Variants in CSMD1 observed in about 807,000 individuals in gnomAD.
The protein encoded by CSMD1 is CUB and Sushi multiple domains 1.
A neutral mutation model predicts 417.5 loss-of-function variants in CSMD1; 213 were observed. The observed-to-expected ratio is 0.51, with a 90% confidence interval of 0.46 to 0.57. The LOEUF is 0.57. Ranked by LOEUF, CSMD1 falls within the 20% of genes least tolerant of loss-of-function variation. The pLI is 0.00. For synonymous variants in CSMD1, 2,862 were observed against 1,736.8 expected (o/e 1.65, Z -16.11); for missense variants, 6,923 against 4,529.7 (o/e 1.53, Z -15.17).
chr8:4,657,814 A>G (rs920077734), intron 1 of CSMD1, among the ~76,000 whole-genome samples: 3 of 151,996 alleles, frequency 2.0e-5, no homozygotes, highest in Non-Finnish European at 2.9e-5. Flanking sequence ...CAAATAGCTA[A>G]AGGAAACCAT....
chr8:4,305,740 C>G (rs1798208841), intron 3 of CSMD1, among the ~76,000 whole-genome samples: 2 of 152,138 alleles, frequency 1.3e-5, no homozygotes, highest in Admixed American at 6.5e-5. Flanking sequence ...GATGCCACAC[C>G]AGCCGTAGAC....
At chr8:3,472,915 T>A (rs1335841742) in intron 11 of CSMD1, among the ~76,000 whole-genome samples, 1 of 152,242 alleles carries the variant, frequency 6.6e-6, no homozygotes, top group East Asian at 1.9e-4. Context: ...CGTACTTCTT[T>A]GATGTTTTTC....
chr8:3,310,517 A>G (rs563830731), intron 23 of CSMD1, among the ~76,000 whole-genome samples: 5 of 152,308 alleles, frequency 3.3e-5, no homozygotes, highest in African/African-American at 1.2e-4. Flanking sequence ...ATCTTCCAAA[A>G]TCTTGCGCTA....
At chr8:4,629,273 T>C (rs955829023) in intron 2 of CSMD1, among the ~76,000 whole-genome samples, 1 of 152,206 alleles carries the variant, frequency 6.6e-6, no homozygotes, top group African/African-American at 2.4e-5. Context: ...AGCAATTTAA[T>C]ATCCTACCAA....
chr8:4,870,888 G>T (rs567807079), intron 1 of CSMD1, among the ~76,000 whole-genome samples: 1 of 152,128 alleles, frequency 6.6e-6, no homozygotes, highest in Admixed American at 6.5e-5. Context: ...GTGTCACCTG[G>T]CCCTTTGGGC....
chr8:3,558,440 C>A (rs890735954), intron 10 of CSMD1, among the ~76,000 whole-genome samples: 1 of 150,276 alleles, frequency 6.7e-6, no homozygotes, highest in Admixed American at 6.6e-5. Context: ...GTGTCCACTC[C>A]TGCAATGATG....
At position 3,534,577 on chromosome 8, in the gene CSMD1, G is replaced by C. The variant is rs139227552; in HGVS notation, c.1344+40368C>G. Among the ~76,000 whole-genome samples, 205 of 148,038 alleles carry C rather than the reference G, an allele frequency of 1.4e-3. 1 individual carries two copies. The highest frequency in any genetic ancestry group is 6.9e-3 in the Middle Eastern group (2 of 290). ...ATTAGTGTACAATCATTTACTTTCAGTGACTGATCTAAAAGTTGTGTTTCC... is the reference window on the plus strand; with the variant it reads ...ATTAGTGTACAATCATTTACTTTCACTGACTGATCTAAAAGTTGTGTTTCC... On this transcript the variant is annotated intron_variant, in intron 10 of 69. Transcript: ENST00000635120.
intron 1 of CSMD1, among the ~76,000 whole-genome samples, chr8:4,824,645 G>A (rs1313600945): frequency 1.3e-5 from 2 of 152,160 alleles, no homozygotes; most frequent in Non-Finnish European, 1.5e-5. Flanking sequence ...ACACCCAACA[G>A]AAGGAATCTC....
intron 3 of CSMD1, among the ~76,000 whole-genome samples, chr8:4,327,654 A>G (rs912691518): frequency 6.6e-6 from 1 of 152,176 alleles, no homozygotes; most frequent in Non-Finnish European, 1.5e-5. Flanking sequence ...AACAACAAAA[A>G]GCTCCACGAT....
At chr8:3,414,768 G>C (rs1468676595) in intron 12 of CSMD1, among the ~76,000 whole-genome samples, 1 of 152,106 alleles carries the variant, frequency 6.6e-6, no homozygotes, top group Non-Finnish European at 1.5e-5. Context: ...TAGTGCCTGA[G>C]GGTGTCTCCC....
chr8:2,940,418 A>G (rs1359966330), intron 69 of CSMD1, among the ~76,000 whole-genome samples: 1 of 152,156 alleles, frequency 6.6e-6, no homozygotes, highest in East Asian at 1.9e-4. Flanking sequence ...GTCTTGGTGC[A>G]GTGTTAGGAA....
intron 3 of CSMD1, among the ~76,000 whole-genome samples, chr8:4,196,728 G>C (rs138918050): frequency 3.3e-5 from 5 of 152,184 alleles, no homozygotes; most frequent in East Asian, 1.9e-4. Context: ...AGGGTAATTA[G>C]GATGGTCTCT....
chr8:4,056,505 G>T (rs199713141), intron 3 of CSMD1, among the ~76,000 whole-genome samples: 1 of 151,588 alleles, frequency 6.6e-6, no homozygotes, highest in Admixed American at 6.6e-5. Context: ...AAAATATTGG[G>T]CTACTAAGGA....
chr8:4,406,835 C>G (rs1805058814), intron 3 of CSMD1, among the ~76,000 whole-genome samples: 1 of 152,156 alleles, frequency 6.6e-6, no homozygotes, highest in African/African-American at 2.4e-5. Flanking sequence ...TCAGTTACAG[C>G]AAAACTATTA....
intron 51 of CSMD1, among the ~76,000 whole-genome samples, chr8:3,021,614 C>T (rs1352356418): frequency 6.6e-6 from 1 of 152,258 alleles, no homozygotes; most frequent in Non-Finnish European, 1.5e-5. Context: ...AGACACTTGG[C>T]TGACAGCATC....
intron 41 of CSMD1, among the ~76,000 whole-genome samples, chr8:3,123,343 G>A (rs1817316133): frequency 6.6e-6 from 1 of 152,124 alleles, no homozygotes; most frequent in South Asian, 2.1e-4. Flanking sequence ...CTGCCAAATG[G>A]CCTAGAAAAC....
chr8:4,658,294 A>T (rs779611416), intron 1 of CSMD1, among the ~76,000 whole-genome samples: 1 of 152,132 alleles, frequency 6.6e-6, no homozygotes, highest in Admixed American at 6.5e-5. Context: ...CCATACTGGG[A>T]CATATTTTAA....
chr8:3,329,057 A>C (rs1806720830), intron 23 of CSMD1, among the ~76,000 whole-genome samples: 1 of 152,144 alleles, frequency 6.6e-6, no homozygotes, highest in Non-Finnish European at 1.5e-5. Flanking sequence ...TGCTGTTGGC[A>C]TGGAATGGAG....
chr8:4,606,787 G>C (rs142456434), intron 2 of CSMD1, among the ~76,000 whole-genome samples: 2 of 152,028 alleles, frequency 1.3e-5, no homozygotes, highest in Admixed American at 6.6e-5. Flanking sequence ...GACATAAAGG[G>C]GAGTATCATT....
Sources: allele counts gnomAD v4.1 joint callset (sites outside exome capture counted in the v4.1 genomes callset), GRCh38; gene constraint gnomAD v4.1.1; transcripts MANE v1.5; gene names NCBI Gene and HGNC (gene_info 2026-07-23, HGNC 2026-07-21).